Variants in PIK3C2A observed in about 807,000 individuals in gnomAD.
PIK3C2A encodes phosphatidylinositol-4-phosphate 3-kinase catalytic subunit type 2 alpha, also known as phosphatidylinositol 4-phosphate 3-kinase C2 domain-containing subunit alpha.
In PIK3C2A, 97 loss-of-function variants were observed where a neutral mutation model predicts 204.5. That is an observed-to-expected ratio of 0.47 (90% CI 0.40 to 0.56). The LOEUF (loss-of-function observed/expected upper bound fraction) is 0.56. Among genes scored for constraint, PIK3C2A ranks in the 20% least tolerant of loss-of-function variants. The pLI is 0.00. For missense variants in PIK3C2A, 1,735 were observed against 1,969.2 expected (o/e 0.88, Z 2.25); for synonymous variants, 653 against 664.4 (o/e 0.98, Z 0.26).
chr11:17,180,532 A>C (rs544813023), intron 1 of PIK3C2A, among the ~76,000 whole-genome samples: 24 of 152,088 alleles, frequency 1.6e-4, no homozygotes, highest in African/African-American at 4.8e-4. Context: ...AAAAAACAAA[A>C]AAAAAAAGGC....
chr11:17,115,898 C>T (rs961779814), intron 19 of PIK3C2A: 63 of 152,166 alleles, frequency 4.1e-4, no homozygotes, highest in African/African-American at 1.4e-3. Context: ...CATACCACAA[C>T]GGATCAAAGA....
chr11:17,105,100 G>C (rs1040431974), intron 23 of PIK3C2A, 69 bp downstream of exon 23: 19 of 1,254,122 alleles, frequency 1.5e-5, no homozygotes, highest in Non-Finnish European at 1.2e-5. Context: ...GCTGGAAAAT[G>C]AAAGAACTTA....
At chr11:17,116,949 A>T (rs567872586) in intron 19 of PIK3C2A, among the ~76,000 whole-genome samples, 29 of 152,312 alleles carry the variant, frequency 1.9e-4, no homozygotes, top group African/African-American at 6.3e-4. Context: ...CAACTGATGA[A>T]TGTTTAAACC....
intron 1 of PIK3C2A, among the ~76,000 whole-genome samples, chr11:17,172,691 G>A (rs1011623865): frequency 2.0e-5 from 3 of 152,136 alleles, no homozygotes; most frequent in East Asian, 1.9e-4. Flanking sequence ...GGGAACAAAC[G>A]GTTTTCTTTT....
At chr11:17,199,485 C>T (rs1852287387) in intron 1 of PIK3C2A, among the ~76,000 whole-genome samples, 2 of 152,142 alleles carry the variant, frequency 1.3e-5, no homozygotes, top group South Asian at 2.1e-4. Context: ...AATTAATATA[C>T]AAAATGTGGT....
At chr11:17,138,290 C>T (rs1317642388) in intron 8 of PIK3C2A, 3 of 647,714 alleles carry the variant, frequency 4.6e-6, no homozygotes, top group Admixed American at 2.3e-5. Context: ...TGAGGATATG[C>T]CAAATGCCCC....
At chr11:17,190,137 C>T (rs1235263804) in intron 1 of PIK3C2A, among the ~76,000 whole-genome samples, 1 of 152,036 alleles carries the variant, frequency 6.6e-6, no homozygotes, top group Admixed American at 6.6e-5. Flanking sequence ...GTGACGCGTG[C>T]CTGTAATCCC....
At chr11:17,116,681 C>G (rs932800215) in intron 19 of PIK3C2A, among the ~76,000 whole-genome samples, 3 of 152,022 alleles carry the variant, frequency 2.0e-5, no homozygotes, top group African/African-American at 7.2e-5. Flanking sequence ...GCTCCGCCTC[C>G]CGGGTTCACG....
chr11:17,185,494 G>T (rs1422148074), intron 1 of PIK3C2A, among the ~76,000 whole-genome samples: 2 of 152,102 alleles, frequency 1.3e-5, no homozygotes, highest in African/African-American at 4.8e-5. Context: ...CGAAGTTTTA[G>T]GCATCCACTG....
At chr11:17,122,606 T>A in intron 14 of PIK3C2A, 96 bp downstream of exon 14, 1 of 680,130 alleles carries the variant, frequency 1.5e-6, no homozygotes, top group Non-Finnish European at 2.6e-6. Flanking sequence ...CAAGATCAGT[T>A]AGGTTTCTTT....
chr11:17,130,190 C>G (rs554494444), intron 12 of PIK3C2A, among the ~76,000 whole-genome samples: 1 of 152,232 alleles, frequency 6.6e-6, no homozygotes, highest in African/African-American at 2.4e-5. Flanking sequence ...CTTCCTCCTT[C>G]CTTTCCTCCC....
intron 19 of PIK3C2A, among the ~76,000 whole-genome samples, chr11:17,116,471 A>T (rs1849194862): frequency 6.6e-6 from 1 of 152,252 alleles, no homozygotes; most frequent in Middle Eastern, 3.2e-3. Flanking sequence ...GCTGCTACAG[A>T]CAATAATTCT....
chr11:17,104,168 A>C (rs965777004), intron 23 of PIK3C2A, among the ~76,000 whole-genome samples: 7 of 152,216 alleles, frequency 4.6e-5, no homozygotes, highest in African/African-American at 1.7e-4. Flanking sequence ...CCTTAGGCCA[A>C]GTTAGGATCA....
chr11:17,146,212 C>T (rs535159811), intron 6 of PIK3C2A, among the ~76,000 whole-genome samples: 173 of 152,254 alleles, frequency 1.1e-3, no homozygotes, highest in African/African-American at 4.0e-3. Context: ...GGAACAAAAA[C>T]TACTTCTGTT....
At chr11:17,205,950 GTC>G (rs774684196) in intron 1 of PIK3C2A, among the ~76,000 whole-genome samples, 38 of 152,230 alleles carry the variant, frequency 2.5e-4, no homozygotes, top group Non-Finnish European at 5.3e-4. Context: ...GTGTAAACCA[GTC>G]TCTATTGAAA....
At chr11:17,094,174 C>G in intron 28 of PIK3C2A, 87 bp downstream of exon 28, 2 of 936,304 alleles carry the variant, frequency 2.1e-6, no homozygotes, top group Non-Finnish European at 3.2e-6. Flanking sequence ...TAATATCTTA[C>G]TAAGTGTTAA....
intron 27 of PIK3C2A, among the ~76,000 whole-genome samples, chr11:17,096,824 C>T (rs1035408434): frequency 6.6e-6 from 1 of 152,170 alleles, no homozygotes; most frequent in Non-Finnish European, 1.5e-5. Flanking sequence ...AAATTTGTTA[C>T]AACAAGCACA....
rs763342175 is a variant in PIK3C2A at position 17,117,597 on chromosome 11, A to G, written c.3110T>C (p.Val1037Ala). 1 of 1,612,618 alleles carries G rather than the reference A, an allele frequency of 6.2e-7. No individual in the cohort carries two copies. Among genetic ancestry groups the G allele is most frequent in the South Asian group, 1.1e-5 (1 of 91,052 alleles). The change falls in exon 19 of 33, where the codon GTA (valine) becomes GCA (alanine). Residue 1037 changes from valine (V) to alanine (A), a missense_variant. By Grantham distance (64) the Val-to-Ala change is moderately conservative. Around this residue, in one of 6 missense-constraint regions of PIK3C2A, gnomAD observed 567 missense variants for 576.0 expected, o/e 0.98. Transcript: ENST00000691414. ...YEHVLGALLSVGGKRLREELL... is the reference protein window; with the variant it reads ...YEHVLGALLSAGGKRLREELL... Reference sequence around the variant, plus strand: ...TTCTTCTCTAAGTCGTTTTCCTCCTACTGACAGGAGAGCACCCAAAACATG... The same window carrying G: ...TTCTTCTCTAAGTCGTTTTCCTCCTGCTGACAGGAGAGCACCCAAAACATG...
At position 17,104,724 on chromosome 11, in the gene PIK3C2A, C is replaced by A. The variant is rs375964274; in HGVS notation, c.3681+445G>T. 7.1e-3 allele frequency among the ~76,000 whole-genome samples: 615 copies of A among 86,934 alleles called. 2 individuals are homozygous for A. Among genetic ancestry groups the A allele is most frequent in the African/African-American group, 0.016 (344 of 21,056 alleles). 57.0% of individuals were successfully genotyped at this position (86,934 alleles called of 152,430 possible). A position where few individuals can be genotyped will look rare whatever the true frequency, so the allele number is the denominator to read the frequency against. On this transcript the variant is annotated intron_variant, in intron 23 of 32. Transcript: ENST00000691414. ...TGGGTGACAGAGTGAGACTCCATCTCAAAAAAAAAAAAAAAAAAAAAATTT... is the reference window on the plus strand; with the variant it reads ...TGGGTGACAGAGTGAGACTCCATCTAAAAAAAAAAAAAAAAAAAAAAATTT...
Sources: gnomAD v4.1 joint callset for allele counts (sites outside exome capture counted in the v4.1 genomes callset) on GRCh38, gnomAD v4.1.1 for gene constraint, gnomAD v4.1.1 regional missense constraint, MANE v1.5 for transcripts, NCBI Gene and HGNC (gene_info 2026-07-23, HGNC 2026-07-21) for gene names.